The following ZIM3 variants were observed in gnomAD, a reference collection of about 807,000 sequenced individuals.
ZIM3 encodes the protein zinc finger protein 657.
Under a neutral mutation model 12.9 loss-of-function variants are expected in ZIM3, and 11 were observed. The observed-to-expected ratio is 0.85, with a 90% CI of 0.54 to 1.41. The LOEUF (loss-of-function observed/expected upper bound fraction) is 1.41, where lower values mean the gene tolerates loss of function less well. Among genes scored for constraint, ZIM3 ranks in the 40% most tolerant of loss-of-function variants. The pLI is 0.00. For synonymous variants in ZIM3, 205 were observed against 198.5 expected (o/e 1.03, Z -0.28); for missense variants, 604 against 557.2 (o/e 1.08, Z -0.85).
rs745523530 is a variant in ZIM3, at chr19:57,135,945, A to G, written c.392T>C (p.Ile131Thr). The stretch of plus-strand genomic sequence containing the variant: ...GTGTTGCAAGGAAGATACATCATCT[A>G]TGCCCAGTGGAAGTATTTTCTTAGA... ...DGSKKILPLG[I>T]DDVSSLQHYV... The change falls in exon 5 of 5, where the codon ATA (isoleucine) becomes ACA (threonine). Residue 131 changes from isoleucine to threonine, a missense_variant. Physicochemically the swap from Ile to Thr is moderately conservative, Grantham distance 89. Transcript: ENST00000269834. The G allele has an allele frequency of 6.8e-6, 11 of 1,614,036 alleles. No individual in the cohort carries two copies. The South Asian group carries it at 8.8e-5, about 13-fold the overall frequency.
chr19:57,138,298 C>T (rs780451419), intron 3 of ZIM3, among the ~76,000 whole-genome samples, 174 bp downstream of exon 3: 1 of 152,172 alleles, frequency 6.6e-6, no homozygotes, highest in African/African-American at 2.4e-5. Context: ...AGAATGGGGG[C>T]TCCTTCAATA....
chr19:57,143,117 G>T (rs2086921163), intron 1 of ZIM3, among the ~76,000 whole-genome samples: 2 of 152,108 alleles, frequency 1.3e-5, no homozygotes, highest in African/African-American at 2.4e-5. Flanking sequence ...CACGAGGTCA[G>T]GAGATCAAGA....
Position 57,135,153 on chromosome 19 carries a change from C to T in ZIM3, c.1184G>A (p.Arg395Lys). ...HTGEKPYECN[R>K]CGKAFFQKSN... ...CTTCTGAAAGAAGGCTTTTCCACATCTGTTACATTCATAGGGCTTTTCCCC... is the reference window on the plus strand; with the variant it reads ...CTTCTGAAAGAAGGCTTTTCCACATTTGTTACATTCATAGGGCTTTTCCCC... Residue 395 changes from arginine (R) to lysine (K), a missense_variant, in exon 5 of 5, where the codon AGA becomes AAA. Coordinates refer to ENST00000269834, the MANE Select transcript of ZIM3 (RefSeq NM_052882.1). The T allele has an allele frequency of 6.2e-7, 1 of 1,614,090 alleles. No homozygotes were observed. Among genetic ancestry groups the T allele is most frequent in the African/African-American group, 1.3e-5 (1 of 75,036 alleles).
chr19:57,142,840 C>CTT (rs113123994), intron 1 of ZIM3, among the ~76,000 whole-genome samples, 155 bp from the exon 2 acceptor site: 2 of 149,596 alleles, frequency 1.3e-5, no homozygotes, highest in African/African-American at 5.0e-5. Context: ...TTCTGAAGGT[C>CTT]TTTTTTTTTT....
Position 57,135,850 on chromosome 19 carries a change from C to T in ZIM3, c.487G>A (p.Val163Ile), listed in dbSNP as rs147848892. The T allele has an allele frequency of 3.2e-5, 52 of 1,614,118 alleles. No individual in the cohort carries two copies. The African/African-American group carries it at 5.7e-4, about 18-fold the overall frequency. The change falls in exon 5 of 5, where the codon GTA becomes ATA. Residue 163 changes from valine (V) to isoleucine (I), a missense_variant. By Grantham distance (29) the Val-to-Ile change is conservative (BLOSUM62 3). Transcript: ENST00000269834. ...GCATTACATTTCAGTTGTTGTCCTA[C>T]AAATTTGGATGGATTATTGCCAACT... ...KLVGNNPSKF[V>I]GQQLKCNACR...
In ZIM3 at chr19:57,140,733, A is replaced by C. The variant is rs563522117; in HGVS notation, c.15+1896T>G. 2.8e-4 allele frequency among the ~76,000 whole-genome samples: 43 copies of C among 152,118 alleles called. No homozygotes were observed. The South Asian group carries it at 8.7e-3, about 31-fold the overall frequency. On this transcript the variant is annotated intron_variant, in intron 2 of 4. Transcript: ENST00000269834. ...GTGGTCTTCCTGCCTTCGCCTCCCA[A>C]AGTGCTGGGATTACAGGTGTGAGCC...
At chr19:57,144,418 T>G (rs575542537) in intron 1 of ZIM3, among the ~76,000 whole-genome samples, 3 of 152,116 alleles carry the variant, frequency 2.0e-5, no homozygotes, top group African/African-American at 7.2e-5. Flanking sequence ...ACTTTAATGT[T>G]TATTAAAGTT....
chr19:57,136,220 A>G (rs2086886263), intron 4 of ZIM3, 125 bp from the exon 5 acceptor site: 2 of 805,946 alleles, frequency 2.5e-6, no homozygotes, highest in African/African-American at 1.7e-5. Flanking sequence ...CGAGAAACCA[A>G]AGTTAATATA....
intron 3 of ZIM3, 63 bp downstream of exon 3, chr19:57,138,409 T>G: frequency 6.2e-7 from 1 of 1,612,144 alleles, no homozygotes; most frequent in Non-Finnish European, 8.5e-7. Flanking sequence ...TGGCCAGCCA[T>G]GGGGTGTCTG....
intron 2 of ZIM3, among the ~76,000 whole-genome samples, chr19:57,141,165 C>T (rs1006713806): frequency 3.3e-5 from 5 of 151,974 alleles, no homozygotes; most frequent in East Asian, 1.9e-4. Flanking sequence ...GAGGCTGAGG[C>T]GGGTGGATCA....
chr19:57,143,176 A>G (rs2086921493), intron 1 of ZIM3, among the ~76,000 whole-genome samples: 1 of 152,004 alleles, frequency 6.6e-6, no homozygotes, highest in Non-Finnish European at 1.5e-5. Context: ...AAATACAAAA[A>G]CAAAATTAGC....
At chr19:57,139,334 A>AAAAAAG (rs988799753) in intron 2 of ZIM3, among the ~76,000 whole-genome samples, 3 of 152,100 alleles carry the variant, frequency 2.0e-5, no homozygotes, top group African/African-American at 4.8e-5. Context: ...GTCTCAAGAA[A>AAAAAAG]AAAAAGAAAA....
chr19:57,137,404 C>T (rs1351438173), intron 3 of ZIM3, among the ~76,000 whole-genome samples: 1 of 152,000 alleles, frequency 6.6e-6, no homozygotes, highest in Non-Finnish European at 1.5e-5. Context: ...GGGAGGATGG[C>T]TTGAGCCCAG....
intron 2 of ZIM3, among the ~76,000 whole-genome samples, chr19:57,141,666 C>T (rs2086914570): frequency 6.6e-6 from 1 of 151,980 alleles, no homozygotes; most frequent in Admixed American, 6.6e-5. Context: ...GCCTGGCCAA[C>T]ATGGTGAAGC....
chr19:57,135,619 G>A lies in ZIM3; in HGVS notation c.718C>T (p.Gln240Ter), dbSNP rs2086882603. The change falls in exon 5 of 5, where the codon CAA becomes TAA. Residue 240 changes from glutamine (Q) to a stop codon, truncating the protein, a stop_gained. Transcript: ENST00000269834. LOFTEE classifies it low-confidence loss of function (END_TRUNC). The stretch of plus-strand genomic sequence containing the variant: ...TCTTTAGTATGCATTTTCTGATGTT[G>A]AAAGAGATTTGACTTCTGCTTGTAG... ...NAYKQKSNLF[Q>*]HQKMHTKEKP... 1 of 1,611,786 alleles carries A rather than the reference G, an allele frequency of 6.2e-7. No homozygotes were observed. The highest frequency in any genetic ancestry group is 1.3e-5 in the African/African-American group (1 of 74,808).
At position 57,135,076 on chromosome 19, in the gene ZIM3, A is replaced by C. The variant is rs796925584; in HGVS notation, c.1261T>G (p.Cys421Gly). The change falls in exon 5 of 5, where the codon TGT becomes GGT. Residue 421 changes from cysteine (C) to glycine (G), a missense_variant. Cys to Gly is a radical substitution (Grantham distance 159). Transcript: ENST00000269834. ...KTHSGERTYR[C>G]SECGKTFIRK... is the part of the protein sequence containing the mutation. ...ATGAAGGTTTTTCCACATTCACTAC[A>C]TCTATAGGTCCTCTCTCCGCTATGA... 1 of 1,614,184 alleles carries C rather than the reference A, an allele frequency of 6.2e-7. No individual in the cohort carries two copies. The highest frequency in any genetic ancestry group is 8.5e-7 in the Non-Finnish European group (1 of 1,180,028).
At chr19:57,137,902 A>AGAAG (rs1243536688) in intron 3 of ZIM3, among the ~76,000 whole-genome samples, 1 of 30,426 alleles carries the variant, frequency 3.3e-5, no homozygotes, top group Non-Finnish European at 5.7e-5. Context: ...AAGGAAGGAA[A>AGAAG]GAAGGAAGGA....
Position 57,136,926 on chromosome 19 carries a change from T to C in ZIM3, c.188A>G (p.Gln63Arg). The C allele has an allele frequency of 1.2e-6, 2 of 1,614,150 alleles. No individual in the cohort carries two copies. The highest frequency in any genetic ancestry group is 8.5e-7 in the Non-Finnish European group (1 of 1,180,028). Residue 63 changes from glutamine (Q) to arginine (R), a missense_variant, in exon 4 of 5, where the codon CAA (glutamine) becomes CGA (arginine). Physicochemically the swap from Gln to Arg is conservative, Grantham distance 43. Coordinates refer to ENST00000269834, the MANE Select transcript of ZIM3 (RefSeq NM_052882.1). ...TTCCTCCAACCATGGCTCCTTTCCT[T>C]GTTCCAACCTCAAGATCACATCGGG... ...TKPDVILRLE[Q>R]GKEPWLEEEE...
intron 2 of ZIM3, among the ~76,000 whole-genome samples, chr19:57,140,425 A>G (rs529507403): frequency 2.0e-5 from 3 of 152,080 alleles, no homozygotes; most frequent in Admixed American, 1.3e-4. Flanking sequence ...ATCTGCCCGC[A>G]TCGGCCTCCC....
Sources: gnomAD v4.1 joint callset for allele counts (sites outside exome capture counted in the v4.1 genomes callset) on GRCh38, gnomAD v4.1.1 for gene constraint, MANE v1.5 for transcripts, NCBI Gene and HGNC (gene_info 2026-07-23, HGNC 2026-07-21) for gene names.